Variants in ZNF280B observed in about 807,000 individuals in gnomAD.
The protein encoded by ZNF280B is zinc finger protein 280B.
ZNF280B carries 16 observed loss-of-function variants against 38.0 expected under a neutral mutation model. That is an observed-to-expected ratio of 0.42 (90% CI 0.28 to 0.64). ZNF280B has a LOEUF of 0.64. Ranked by LOEUF, ZNF280B falls within the 30% of genes least tolerant of loss-of-function variation. The pLI is 0.21. For missense variants in ZNF280B, 581 were observed against 639.6 expected (o/e 0.91, Z 0.99); for synonymous variants, 253 against 230.6 (o/e 1.10, Z -0.88).
chr22:22,503,445 C>T (rs1202136864), intron 2 of ZNF280B, among the ~76,000 whole-genome samples: 2 of 151,934 alleles, frequency 1.3e-5, no homozygotes, highest in African/African-American at 4.8e-5. Flanking sequence ...CCCCCATCTC[C>T]CAACAACTGC....
intron 2 of ZNF280B, among the ~76,000 whole-genome samples, chr22:22,501,394 G>A (rs984941206): frequency 2.0e-5 from 3 of 151,376 alleles, no homozygotes; most frequent in Admixed American, 1.3e-4. Flanking sequence ...GCAAAACCCT[G>A]TCTCTACTAA....
At chr22:22,493,144 G>A (rs1203275560) in intron 3 of ZNF280B, among the ~76,000 whole-genome samples, 1 of 151,716 alleles carries the variant, frequency 6.6e-6, no homozygotes, top group Non-Finnish European at 1.5e-5. Flanking sequence ...CCGTGTAGCT[G>A]GGATTACAGG....
At chr22:22,496,633 T>C (rs2061701021) in intron 2 of ZNF280B, among the ~76,000 whole-genome samples, 1 of 151,110 alleles carries the variant, frequency 6.6e-6, no homozygotes, top group Non-Finnish European at 1.5e-5. Flanking sequence ...GAGTTATTTG[T>C]GGGGGTGGGG....
At chr22:22,494,726 C>G (rs916257691) in intron 2 of ZNF280B, among the ~76,000 whole-genome samples, 1 of 151,794 alleles carries the variant, frequency 6.6e-6, no homozygotes, top group Non-Finnish European at 1.5e-5. Flanking sequence ...AATGGCCCTT[C>G]TACTAGATCA....
At chr22:22,504,872 A>G (rs1019292874) in intron 2 of ZNF280B, among the ~76,000 whole-genome samples, 6 of 152,002 alleles carry the variant, frequency 3.9e-5, no homozygotes, top group African/African-American at 1.4e-4. Flanking sequence ...CTCATTCAAT[A>G]AAAGTTTGGT....
intron 2 of ZNF280B, among the ~76,000 whole-genome samples, chr22:22,495,747 C>T (rs933775609): frequency 1.9e-4 from 29 of 151,640 alleles, no homozygotes; most frequent in African/African-American, 4.1e-4. Flanking sequence ...TGATAAGGAA[C>T]GACCTTGGTT....
intron 3 of ZNF280B, among the ~76,000 whole-genome samples, chr22:22,492,270 C>CT (rs1209800295): frequency 6.6e-6 from 1 of 151,886 alleles, no homozygotes; most frequent in Non-Finnish European, 1.5e-5. Context: ...TTGGTTTAGT[C>CT]TGTCTATATA....
chr22:22,486,574 T>C lies in ZNF280B; in HGVS notation c.*1193A>G, dbSNP rs563308328. The C allele has an allele frequency of 1.3e-5, 2 of 152,416 alleles. No individual in the cohort carries two copies. The highest frequency in any genetic ancestry group is 4.8e-5 in the African/African-American group (2 of 41,504). The allele number at this position is 152,416 out of a possible 1,614,324, so 9.4% of individuals were successfully genotyped here. A position where few individuals can be genotyped will look rare whatever the true frequency, so the allele number is the denominator to read the frequency against. ...GGGAGAGGAGAGGGAATGAATCAAA[T>C]TCACCTTTAGATCACAGAACAGGAA... On this transcript the variant is annotated 3_prime_UTR_variant, in exon 4 of 4. Coordinates refer to ENST00000626650, the MANE Select transcript of ZNF280B (RefSeq NM_080764.4).
rs751325907 is a variant in ZNF280B, at chr22:22,489,012, A to G, written c.387T>C (p.Ser129=). The change falls in exon 4 of 4, where the codon AGT becomes AGC. Residue 129 remains serine, a synonymous_variant. Transcript: ENST00000626650. ...EPLSKPDYRN[S]SPQVVPNNSS... is the part of the protein sequence containing the mutation. Reference sequence around the variant, plus strand: ...AGTTATTAGGCACAACTTGTGGTGAACTATTTCTATAATCAGGTTTAGACA... The same window carrying G: ...AGTTATTAGGCACAACTTGTGGTGAGCTATTTCTATAATCAGGTTTAGACA... 1 of 1,613,862 alleles carries G rather than the reference A, an allele frequency of 6.2e-7. No individual in the cohort carries two copies. The highest frequency in any genetic ancestry group is 1.1e-5 in the South Asian group (1 of 91,062).
chr22:22,491,360 G>A (rs1168437683), intron 3 of ZNF280B, among the ~76,000 whole-genome samples: 2 of 150,550 alleles, frequency 1.3e-5, no homozygotes, highest in African/African-American at 2.4e-5. Context: ...AAGTTATATG[G>A]AGTCCAATTA....
At chr22:22,501,447 G>A (rs763478209) in intron 2 of ZNF280B, among the ~76,000 whole-genome samples, 2 of 151,432 alleles carry the variant, frequency 1.3e-5, no homozygotes, top group Admixed American at 1.3e-4. Context: ...GCCTGTAATC[G>A]CAGCTACTCG....
intron 3 of ZNF280B, among the ~76,000 whole-genome samples, 155 bp downstream of exon 3, chr22:22,493,908 C>T (rs1011680650): frequency 6.6e-6 from 1 of 151,544 alleles, no homozygotes; most frequent in South Asian, 2.1e-4. Context: ...GAACTGTGTT[C>T]CCCCCACCCC....
At chr22:22,501,035 A>AAAAAAAAC (rs2061810962) in intron 2 of ZNF280B, among the ~76,000 whole-genome samples, 45 of 140,352 alleles carry the variant, frequency 3.2e-4, no homozygotes, top group African/African-American at 1.1e-3. Flanking sequence ...AAAAAAAAAA[A>AAAAAAAAC]AAAAAACAAA....
In ZNF280B at chr22:22,488,044, CTAT is replaced by C. The variant is rs1569172431; in HGVS notation, c.1352_1354del (p.Tyr451_Arg452delinsTrp). 6.2e-7 allele frequency: 1 copy of C among 1,613,854 alleles called. No homozygotes were observed. On this transcript the variant is annotated inframe_deletion, in exon 4 of 4. Coordinates refer to ENST00000626650, the MANE Select transcript of ZNF280B (RefSeq NM_080764.4). ...GTGTGCACTCTTTCCCCAGTGGCCC[CTAT>C]AATGACACATGTATGGTGTTGCTGT...
Position 22,486,397 on chromosome 22 carries a change from C to G in ZNF280B, c.*1370G>C, listed in dbSNP as rs1213903311. The G allele has an allele frequency of 6.8e-6, 1 of 147,406 alleles. No individual in the cohort carries two copies. Among genetic ancestry groups the G allele is most frequent in the East Asian group, 2.0e-4 (1 of 5,094 alleles). 9.1% of individuals were successfully genotyped at this position (147,406 alleles called of 1,614,324 possible). ...AATTTAGCCCAGTCCAGGAACTGGACAGACACCACTTGTTTGGCCCTTTTC... is the reference window on the plus strand; with the variant it reads ...AATTTAGCCCAGTCCAGGAACTGGAGAGACACCACTTGTTTGGCCCTTTTC... On this transcript the variant is annotated 3_prime_UTR_variant, in exon 4 of 4. Coordinates refer to ENST00000626650, the MANE Select transcript of ZNF280B (RefSeq NM_080764.4).
rs1025163390 is a variant in ZNF280B, at chr22:22,486,555, G to A, written c.*1212C>T. Reference sequence around the variant, plus strand: ...CACTAACGGCTAGCCAGAAGGGAGAGGAGAGGGAATGAATCAAATTCACCT... The same window carrying A: ...CACTAACGGCTAGCCAGAAGGGAGAAGAGAGGGAATGAATCAAATTCACCT... On this transcript the variant is annotated 3_prime_UTR_variant, in exon 4 of 4. Transcript: ENST00000626650. The A allele has an allele frequency of 6.6e-6, 1 of 152,374 alleles. No homozygotes were observed. The highest frequency in any genetic ancestry group is 1.5e-5 in the Non-Finnish European group (1 of 68,024). The allele number at this position is 152,374 out of a possible 1,614,324, so 9.4% of individuals were successfully genotyped here. A position where few individuals can be genotyped will look rare whatever the true frequency, so the allele number is the denominator to read the frequency against.
rs574920002 is a variant in ZNF280B at position 22,484,627 on chromosome 22, G to C, written c.*3140C>G. 2 of 152,194 alleles carry C rather than the reference G, an allele frequency of 1.3e-5. No individual in the cohort carries two copies. The highest frequency in any genetic ancestry group is 4.2e-4 in the South Asian group (2 of 4,806). The allele number at this position is 152,194 out of a possible 1,614,324, so 9.4% of individuals were successfully genotyped here. On this transcript the variant is annotated 3_prime_UTR_variant, in exon 4 of 4. Coordinates refer to ENST00000626650, the MANE Select transcript of ZNF280B (RefSeq NM_080764.4). ...TGACATTGCCTTAAAAATATATAGA[G>C]GTATCAATAGAAAAACAGAGAAAGC...
At chr22:22,505,795 A>C (rs2061925883) in intron 2 of ZNF280B, among the ~76,000 whole-genome samples, 1 of 151,760 alleles carries the variant, frequency 6.6e-6, no homozygotes, top group Admixed American at 6.6e-5. Context: ...AAATAAAAAC[A>C]AATTCTTCAG....
rs894978984 is a variant in ZNF280B at position 22,489,099 on chromosome 22, G to C, written c.300C>G (p.Thr100=). The change falls in exon 4 of 4, where the codon ACC becomes ACG. Residue 100 remains threonine (T), a synonymous_variant. Coordinates refer to ENST00000626650, the MANE Select transcript of ZNF280B (RefSeq NM_080764.4). ...SHETVTSEAV[T]VLPASQLESR... ...ATTCAAGTTGGGAAGCTGGCAGGAC[G>C]GTCACTGCTTCTGATGTAACGGTCT... 1.9e-6 allele frequency: 3 copies of C among 1,613,820 alleles called. No individual in the cohort carries two copies. The highest frequency in any genetic ancestry group is 2.7e-5 in the African/African-American group (2 of 74,946).
Sources: gnomAD v4.1 joint callset for allele counts (sites outside exome capture counted in the v4.1 genomes callset) on GRCh38, gnomAD v4.1.1 for gene constraint, MANE v1.5 for transcripts, NCBI Gene and HGNC (gene_info 2026-07-23, HGNC 2026-07-21) for gene names.